Variants in OCA2 observed in about 807,000 individuals in gnomAD.
OCA2 encodes the protein OCA2 melanosomal transmembrane protein.
OCA2 carries 77 observed loss-of-function variants against 100.2 expected under a neutral mutation model. That is an observed-to-expected ratio of 0.77 (90% CI 0.64 to 0.93). The LOEUF (loss-of-function observed/expected upper bound fraction) is 0.93, where lower values mean the gene tolerates loss of function less well. Among genes scored for constraint, OCA2 ranks in the 40% least tolerant of loss-of-function variants. The probability of loss-of-function intolerance (pLI) is 0.00; values close to 1 mark genes in which losing one functional copy is unlikely to be tolerated. For synonymous variants in OCA2, 432 were observed against 439.2 expected (o/e 0.98, Z 0.21); for missense variants, 1,062 against 1,089.1 (o/e 0.98, Z 0.35).
At chr15:27,752,996 C>A (rs1355113073), downstream of OCA2, among the ~76,000 whole-genome samples, 3 of 151,988 alleles carry the variant, frequency 2.0e-5, no homozygotes, top group Non-Finnish European at 4.4e-5. Flanking sequence ...TGCTTGAGAT[C>A]TTCATTTAAA....
rs538561238 is a variant in OCA2 at position 27,786,093 on chromosome 15, A to G, written c.2433-30621T>C. ...TTGTCTTCATGTATGTTGAAATCCA[A>G]TTGTTCCAGCACCGTTTGTTTAAAT... is the stretch of plus-strand genomic sequence containing the variant. On this transcript the variant is annotated intron_variant, in intron 23 of 23. Coordinates refer to ENST00000354638, the MANE Select transcript of OCA2 (RefSeq NM_000275.3). Among the ~76,000 whole-genome samples the G allele has an allele frequency of 3.3e-5, 5 of 152,306 alleles. No homozygotes were observed. In the South Asian group the frequency reaches 8.3e-4, roughly 25 times the overall value.
chr15:27,976,913 G>C (rs2040985888), intron 14 of OCA2, among the ~76,000 whole-genome samples: 1 of 132,726 alleles, frequency 7.5e-6, no homozygotes, highest in South Asian at 2.3e-4. Flanking sequence ...TTGTGGGAAG[G>C]TTTTTAACTA....
rs193097504 is a variant in OCA2, at chr15:27,792,525, C to G, written c.2433-37053G>C. ...CACAGTCCTTCCTGGGTGGCCAGCC[C>G]CAAGCAGCCTCACCTCCCACACGAG... On this transcript the variant is annotated intron_variant, in intron 23 of 23. Transcript: ENST00000354638. 5.4e-3 allele frequency among the ~76,000 whole-genome samples: 819 copies of G among 152,282 alleles called. 23 individuals are homozygous for G. The highest frequency in any genetic ancestry group is 0.047 in the Admixed American group (721 of 15,296).
chr15:27,940,511 G>A (rs374714678), intron 18 of OCA2, among the ~76,000 whole-genome samples: 16 of 152,184 alleles, frequency 1.1e-4, no homozygotes, highest in East Asian at 5.8e-4. Flanking sequence ...ATCACAAAAC[G>A]CCAGTGTCTC....
chr15:27,927,236 C>G (rs1301536586), intron 18 of OCA2, among the ~76,000 whole-genome samples: 1 of 152,144 alleles, frequency 6.6e-6, no homozygotes, highest in Non-Finnish European at 1.5e-5. Context: ...TTGTGGTGAG[C>G]CGAGATCACG....
chr15:27,995,328 A>C (rs1048387305), intron 9 of OCA2, among the ~76,000 whole-genome samples: 3 of 152,182 alleles, frequency 2.0e-5, no homozygotes, highest in African/African-American at 4.8e-5. Flanking sequence ...AGCACACACA[A>C]AAAAGTCTTC....
rs74007933 is a variant in OCA2 at position 28,077,448 on chromosome 15, C to T, written c.227+4200G>A. On this transcript the variant is annotated intron_variant, in intron 2 of 23. Coordinates refer to ENST00000354638, the MANE Select transcript of OCA2 (RefSeq NM_000275.3). ...CAATTTTGTTTGTTCCATGTCATTA[C>T]GATTGTATGGACAAGACGTATTCCT... Among the ~76,000 whole-genome samples, 731 of 152,178 alleles carry T rather than the reference C, an allele frequency of 4.8e-3. 7 individuals are homozygous for T. Among genetic ancestry groups the T allele is most frequent in the African/African-American group, 0.016 (663 of 41,524 alleles).
intron 2 of OCA2, among the ~76,000 whole-genome samples, chr15:28,047,300 A>G (rs1294534842): frequency 3.9e-5 from 6 of 152,222 alleles, no homozygotes; most frequent in African/African-American, 1.4e-4. Context: ...TCAAAGAGCT[A>G]TATTTTTAAC....
chr15:28,094,713 G>A (rs1283961558), intron 1 of OCA2, among the ~76,000 whole-genome samples: 2 of 152,216 alleles, frequency 1.3e-5, no homozygotes, highest in Non-Finnish European at 2.9e-5. Context: ...GGCCCTGCGA[G>A]GTGGGGGTGG....
intron 18 of OCA2, among the ~76,000 whole-genome samples, chr15:27,943,818 C>T (rs990230831): frequency 6.6e-5 from 10 of 152,246 alleles, no homozygotes; most frequent in African/African-American, 2.2e-4. Context: ...GACCTGGAAG[C>T]CCTTATCCTG....
At chr15:27,888,516 C>G (rs1383768659) in intron 19 of OCA2, among the ~76,000 whole-genome samples, 2 of 151,998 alleles carry the variant, frequency 1.3e-5, no homozygotes, top group Admixed American at 1.3e-4. Flanking sequence ...TTAAAGCAGC[C>G]TTCCTAAAAA....
At chr15:28,056,346 T>C (rs979797471) in intron 2 of OCA2, among the ~76,000 whole-genome samples, 4 of 152,206 alleles carry the variant, frequency 2.6e-5, no homozygotes, top group Admixed American at 6.5e-5. Flanking sequence ...ATTCTACCAC[T>C]GGCTGGATGG....
chr15:27,852,470 C>T (rs2035790244), intron 21 of OCA2, among the ~76,000 whole-genome samples: 1 of 152,096 alleles, frequency 6.6e-6, no homozygotes, highest in Admixed American at 6.5e-5. Context: ...CATAAAAACC[C>T]TAGAAGAAAA....
At chr15:27,955,123 G>T in intron 17 of OCA2, 35 bp downstream of exon 17, 1 of 1,484,162 alleles carries the variant, frequency 6.7e-7, no homozygotes, top group Non-Finnish European at 9.4e-7. Flanking sequence ...TTGGAGAAGT[G>T]AATCAGAAAT....
At chr15:27,814,592 T>A (rs1421748910) in intron 23 of OCA2, among the ~76,000 whole-genome samples, 2 of 152,100 alleles carry the variant, frequency 1.3e-5, no homozygotes, top group Non-Finnish European at 2.9e-5. Context: ...AAAATAAAAA[T>A]ATAGGCCAGG....
chr15:27,722,995 C>CCT, the OCA2 span, among the ~76,000 whole-genome samples: 1 of 150,690 alleles, frequency 6.6e-6, no homozygotes, highest in Non-Finnish European at 1.5e-5. Context: ...GCATGCACCA[C>CCT]CATGCCTGGC....
At chr15:28,077,061 T>C (rs1272326068) in intron 2 of OCA2, among the ~76,000 whole-genome samples, 3 of 138,196 alleles carry the variant, frequency 2.2e-5, no homozygotes. Flanking sequence ...GCTTAATTTG[T>C]TTTTTTTTTT....
intron 18 of OCA2, among the ~76,000 whole-genome samples, chr15:27,942,232 TGATATACATAC>T (rs1464448954): frequency 4.0e-5 from 6 of 148,508 alleles, no homozygotes; most frequent in Middle Eastern, 3.3e-3. Context: ...ATATTATATA[TGATATACATAC>T]GATATACATA....
chr15:27,722,724 C>CT, the OCA2 span, among the ~76,000 whole-genome samples: 2 of 142,790 alleles, frequency 1.4e-5, no homozygotes, highest in South Asian at 2.3e-4. Flanking sequence ...TTCTCTCTTT[C>CT]TTCTTTCTTT....
Sources: gnomAD v4.1 joint callset for allele counts (sites outside exome capture counted in the v4.1 genomes callset) on GRCh38, gnomAD v4.1.1 for gene constraint, MANE v1.5 for transcripts, NCBI Gene and HGNC (gene_info 2026-07-23, HGNC 2026-07-21) for gene names.